Variants in ZC3H7B observed in about 807,000 individuals in gnomAD.
ZC3H7B encodes zinc finger CCCH domain-containing protein 7B.
ZC3H7B carries 35 observed loss-of-function variants against 116.0 expected under a neutral mutation model. That is an observed-to-expected ratio of 0.30 (90% CI 0.23 to 0.40). The LOEUF is 0.40. Ranked by LOEUF, ZC3H7B falls within the 10% of genes least tolerant of loss-of-function variation. ZC3H7B has a pLI of 1.00. For missense variants in ZC3H7B, 1,011 were observed against 1,321.5 expected (o/e 0.77, Z 3.64); for synonymous variants, 502 against 545.6 (o/e 0.92, Z 1.11).
At position 41,302,365 on chromosome 22, in the gene ZC3H7B, G is replaced by A. The variant is rs894807091; in HGVS notation, c.-7+593G>A. The stretch of plus-strand genomic sequence containing the variant: ...TCCGGGGCCTGCAGCCGGGCCCGCG[G>A]GAAGGGGGCGGCAGGAAAGGGGGGC... On this transcript the variant is annotated intron_variant, in intron 1 of 22. Coordinates refer to ENST00000352645, the MANE Select transcript of ZC3H7B (RefSeq NM_017590.6). The surrounding 1 kb of genome is among the most constrained non-coding windows in gnomAD (Gnocchi z 5.7). 6.6e-6 allele frequency among the ~76,000 whole-genome samples: 1 copy of A among 152,068 alleles called. No homozygotes were observed. Among genetic ancestry groups the A allele is most frequent in the Non-Finnish European group, 1.5e-5 (1 of 67,988 alleles).
rs761300741 is a variant in ZC3H7B, at chr22:41,343,428, C to T, written c.1311C>T (p.Gly437=). ...LCYPKTGPRA[G]DYTYREGLEH... ...CCCTGCCCATAGGCCCCCGGGCTGGCGACTACACCTACCGTGAGGGCCTTG... is the reference window on the plus strand; with the variant it reads ...CCCTGCCCATAGGCCCCCGGGCTGGTGACTACACCTACCGTGAGGGCCTTG... The change falls in exon 13 of 23, where the codon GGC becomes GGT. Residue 437 remains glycine, a synonymous_variant. Coordinates refer to ENST00000352645, the MANE Select transcript of ZC3H7B (RefSeq NM_017590.6). 6.8e-6 allele frequency: 11 copies of T among 1,611,622 alleles called. No homozygotes were observed. The highest frequency in any genetic ancestry group is 1.7e-4 in the Middle Eastern group (1 of 6,056).
At chr22:41,316,351 A>G (rs1012300493) in intron 1 of ZC3H7B, among the ~76,000 whole-genome samples, 3 of 150,088 alleles carry the variant, frequency 2.0e-5, no homozygotes, top group African/African-American at 7.4e-5. Flanking sequence ...GCTGGAGTGC[A>G]GCGGCGTGAT....
At chr22:41,329,162 G>A (rs1427318623) in intron 5 of ZC3H7B, among the ~76,000 whole-genome samples, 3 of 149,614 alleles carry the variant, frequency 2.0e-5, no homozygotes, top group Non-Finnish European at 4.4e-5. Flanking sequence ...CTGAGATCGC[G>A]CCACTGCACT....
chr22:41,312,489 C>T (rs1295035919), intron 1 of ZC3H7B, among the ~76,000 whole-genome samples: 1 of 151,704 alleles, frequency 6.6e-6, no homozygotes, highest in Non-Finnish European at 1.5e-5. Context: ...GTAGTCCCAG[C>T]TACTTGGGGA....
chr22:41,334,985 G>C (rs1252777332), intron 7 of ZC3H7B: 1 of 152,236 alleles, frequency 6.6e-6, no homozygotes. Flanking sequence ...GGAACAGAGA[G>C]CCCAAGGCAG....
chr22:41,348,147 G>A lies in ZC3H7B; in HGVS notation c.1746G>A (p.Lys582=). 6.2e-7 allele frequency: 1 copy of A among 1,613,872 alleles called. No homozygotes were observed. The highest frequency in any genetic ancestry group is 8.5e-7 in the Non-Finnish European group (1 of 1,179,912). Reference sequence around the variant, plus strand: ...CTGTCTGCTCCAACCTGGCTGCCAAGCACAGCTTCTACAACAACAAGTGAG... The same window carrying A: ...CTGTCTGCTCCAACCTGGCTGCCAAACACAGCTTCTACAACAACAAGTGAG... The part of the protein sequence containing the change: ...SPSVCSNLAA[K]HSFYNNKCLV... Residue 582 remains lysine, a synonymous_variant, in exon 15 of 23, where the codon AAG becomes AAA. Coordinates refer to ENST00000352645, the MANE Select transcript of ZC3H7B (RefSeq NM_017590.6).
intron 1 of ZC3H7B, among the ~76,000 whole-genome samples, chr22:41,320,011 A>G (rs2036234303): frequency 6.9e-6 from 1 of 145,864 alleles, no homozygotes; most frequent in South Asian, 2.2e-4. Flanking sequence ...AGTCTGGGCA[A>G]TAGAGCGAGA....
In ZC3H7B at chr22:41,327,475, C is replaced by T; in HGVS notation, c.444+111C>T. 3 of 1,403,146 alleles carry T rather than the reference C, an allele frequency of 2.1e-6. No individual in the cohort carries two copies. The highest frequency in any genetic ancestry group is 1.3e-5 in the South Asian group (1 of 76,264). The allele number at this position is 1,403,146 out of a possible 1,614,324, so 86.9% of individuals were successfully genotyped here. A position where few individuals can be genotyped will look rare whatever the true frequency, so the allele number is the denominator to read the frequency against. On this transcript the variant is annotated intron_variant, in intron 5 of 22. Transcript: ENST00000352645. The surrounding 1 kb of genome is among the most constrained non-coding windows in gnomAD (Gnocchi z 4.5). ...ATCCTTCTGTGTCTCACTTCCTCCC[C>T]TGTGACATGGCCATGCAGATCCTGA...
intron 1 of ZC3H7B, among the ~76,000 whole-genome samples, chr22:41,312,668 G>A (rs763913538): frequency 6.6e-6 from 1 of 152,062 alleles, no homozygotes; most frequent in Non-Finnish European, 1.5e-5. Context: ...AGCACTCTGG[G>A]AGGCTGAGGT....
chr22:41,322,628 T>G (rs2036272042), intron 2 of ZC3H7B, among the ~76,000 whole-genome samples: 1 of 152,206 alleles, frequency 6.6e-6, no homozygotes, highest in Non-Finnish European at 1.5e-5. Context: ...GGCCTCTCAC[T>G]TGCACGAGCC....
At chr22:41,352,105 C>G (rs755912916) in intron 17 of ZC3H7B, among the ~76,000 whole-genome samples, 5 of 152,176 alleles carry the variant, frequency 3.3e-5, no homozygotes, top group Non-Finnish European at 5.9e-5. Flanking sequence ...CAAAGTGCAG[C>G]GATTACAGGC....
chr22:41,328,014 C>T (rs1374163218), intron 5 of ZC3H7B, among the ~76,000 whole-genome samples: 1 of 152,092 alleles, frequency 6.6e-6, no homozygotes, highest in African/African-American at 2.4e-5. Context: ...GAGATCCCAG[C>T]TACTCAGGAG....
intron 1 of ZC3H7B, 58 bp downstream of exon 1, chr22:41,301,830 G>C (rs2035968913): frequency 6.6e-6 from 1 of 151,968 alleles, no homozygotes; most frequent in Admixed American, 6.5e-5. Context: ...ACTGCGTCCG[G>C]AGCCGCCCGC....
chr22:41,345,889 G>A (rs779677076), intron 13 of ZC3H7B, 114 bp from the exon 14 acceptor site: 10 of 1,086,308 alleles, frequency 9.2e-6, no homozygotes, highest in South Asian at 4.1e-5. Context: ...GGGGTGGAGC[G>A]AAGCCCTGCC....
rs944856914 is a variant in ZC3H7B, at chr22:41,301,555, A to T, written c.-224A>T. On this transcript the variant is annotated 5_prime_UTR_variant, in exon 1 of 23. Transcript: ENST00000352645. ...AGTGCCTCCAGCGGGTGCTGCCGCG[A>T]GCGGCCAGCCGAGGGGCTGGAAATG... is the stretch of plus-strand genomic sequence containing the variant. The T allele has an allele frequency of 2.2e-4, 34 of 152,184 alleles. No homozygotes were observed. Among genetic ancestry groups the T allele is most frequent in the Non-Finnish European group, 4.4e-5 (3 of 68,018 alleles). The allele number at this position is 152,184 out of a possible 1,614,324, so 9.4% of individuals were successfully genotyped here. A position where few individuals can be genotyped will look rare whatever the true frequency, so the allele number is the denominator to read the frequency against.
chr22:41,304,911 C>T (rs993371771), intron 1 of ZC3H7B, among the ~76,000 whole-genome samples: 1 of 152,166 alleles, frequency 6.6e-6, no homozygotes, highest in African/African-American at 2.4e-5. Flanking sequence ...GCCCTCTGCA[C>T]CACCTTCCTC....
chr22:41,328,468 G>A (rs903669188), intron 5 of ZC3H7B, among the ~76,000 whole-genome samples: 2 of 152,220 alleles, frequency 1.3e-5, no homozygotes, highest in Non-Finnish European at 1.5e-5. Context: ...GAGATTGTCA[G>A]TGAGGTAGGA....
Position 41,346,660 on chromosome 22 carries a change from A to G in ZC3H7B, c.1665+452A>G, listed in dbSNP as rs761999211. On this transcript the variant is annotated intron_variant, in intron 14 of 22. Transcript: ENST00000352645. The surrounding 1 kb of genome is among the most constrained non-coding windows in gnomAD (Gnocchi z 5.3). ...GTGAAACCCTGTCTCTACTAAAAATACAAAAATTAGCTGGGCGTTGTGGTG... is the reference window on the plus strand; with the variant it reads ...GTGAAACCCTGTCTCTACTAAAAATGCAAAAATTAGCTGGGCGTTGTGGTG... 6.6e-6 allele frequency among the ~76,000 whole-genome samples: 1 copy of G among 152,090 alleles called. No homozygotes were observed. The highest frequency in any genetic ancestry group is 1.5e-5 in the Non-Finnish European group (1 of 68,010).
intron 14 of ZC3H7B, among the ~76,000 whole-genome samples, chr22:41,347,259 A>G (rs1195490549): frequency 6.6e-6 from 1 of 152,184 alleles, no homozygotes; most frequent in Non-Finnish European, 1.5e-5. Context: ...GGTATGATGT[A>G]TTTGGCACTG....
Sources: gnomAD v4.1 joint callset for allele counts (sites outside exome capture counted in the v4.1 genomes callset) on GRCh38, gnomAD v4.1.1 for gene constraint, Gnocchi (gnomAD v3.1) non-coding constraint, MANE v1.5 for transcripts, NCBI Gene and HGNC (gene_info 2026-07-23, HGNC 2026-07-21) for gene names.